IQUB: variants seen among roughly 807,000 people sequenced by gnomAD.
IQUB encodes IQ motif and ubiquitin domain containing, also known as IQ motif and ubiquitin-like domain-containing protein.
In IQUB, 86 loss-of-function variants were observed where a neutral mutation model predicts 86.4. The observed-to-expected ratio is 1.00, with a 90% confidence interval of 0.84 to 1.19. The LOEUF is 1.19. Among genes scored for constraint, IQUB ranks in the 50% most tolerant of loss-of-function variants. The pLI, the probability that IQUB is intolerant of heterozygous loss-of-function variation, is 0.00. For synonymous variants in IQUB, 289 were observed against 304.5 expected, an observed-to-expected ratio of 0.95 and a Z score of 0.53; for missense variants, 946 against 916.9, an observed-to-expected ratio of 1.03 and a Z score of -0.41.
chr7:123,517,912 TA>T (rs367664869), intron 1 of IQUB, among the ~76,000 whole-genome samples: 2 of 152,260 alleles, frequency 1.3e-5, no homozygotes, highest in African/African-American at 4.8e-5. Context: ...ACACAACACT[TA>T]AAAGCAGTCC....
chr7:123,493,776 C>CGT (rs1795593490), intron 7 of IQUB, among the ~76,000 whole-genome samples: 3 of 73,962 alleles, frequency 4.1e-5, no homozygotes, highest in East Asian at 8.3e-4. Flanking sequence ...TGTGTGTGTG[C>CGT]ATGTGTGTAT....
At chr7:123,474,681 A>C (rs1794672857) in intron 8 of IQUB, among the ~76,000 whole-genome samples, 1 of 152,188 alleles carries the variant, frequency 6.6e-6, no homozygotes, top group Non-Finnish European at 1.5e-5. Flanking sequence ...CACTGGACTA[A>C]TTAGGCTATG....
At chr7:123,458,381 G>A (rs1013740526) in intron 11 of IQUB, among the ~76,000 whole-genome samples, 3 of 151,820 alleles carry the variant, frequency 2.0e-5, no homozygotes, top group African/African-American at 7.2e-5. Context: ...TCTGTAAAAT[G>A]AGTACACAAA....
At chr7:123,473,861 A>G (rs569375737) in intron 8 of IQUB, among the ~76,000 whole-genome samples, 48 of 152,156 alleles carry the variant, frequency 3.2e-4, no homozygotes, top group Admixed American at 7.9e-4. Flanking sequence ...CTGGGATTAC[A>G]GGCGTGAGCC....
chr7:123,489,648 AGAG>A, intron 7 of IQUB, among the ~76,000 whole-genome samples: 1 of 152,048 alleles, frequency 6.6e-6, no homozygotes, highest in South Asian at 2.1e-4. Context: ...ACAGGAGTTT[AGAG>A]AAGCTCTGAA....
At chr7:123,460,930 A>G (rs1175808681) in intron 11 of IQUB, among the ~76,000 whole-genome samples, 1 of 151,664 alleles carries the variant, frequency 6.6e-6, no homozygotes, top group Non-Finnish European at 1.5e-5. Context: ...GTGGTATCAT[A>G]TCAACACTTT....
chr7:123,512,074 T>C lies in IQUB; in HGVS notation c.267A>G (p.Ser89=). 2.5e-6 allele frequency: 4 copies of C among 1,614,120 alleles called. No individual in the cohort carries two copies. Among genetic ancestry groups the C allele is most frequent in the Non-Finnish European group, 3.4e-6 (4 of 1,179,972 alleles). ...GCTTTTCATGATGTTGCGGAGTATA[T>C]GAAACTTGTCTTGGTGATATAACCT... ...MEEVISPRQV[S]YTPQHHEKQY... Residue 89 remains serine (S), a synonymous_variant, in exon 2 of 13, where the codon TCA becomes TCG. Coordinates refer to ENST00000324698, the MANE Select transcript of IQUB (RefSeq NM_178827.5).
chr7:123,475,604 T>G (rs555457676), intron 8 of IQUB, among the ~76,000 whole-genome samples: 22 of 152,278 alleles, frequency 1.4e-4, no homozygotes, highest in African/African-American at 5.3e-4. Flanking sequence ...GAAGAATAGA[T>G]ATTGTGTAAG....
intron 1 of IQUB, among the ~76,000 whole-genome samples, chr7:123,520,734 T>C (rs919614077): frequency 6.6e-6 from 1 of 151,584 alleles, no homozygotes; most frequent in African/African-American, 2.4e-5. Flanking sequence ...ACATTAGGAG[T>C]CTACTGGAAT....
chr7:123,455,301 T>C (rs1401260646), intron 12 of IQUB, among the ~76,000 whole-genome samples: 1 of 152,088 alleles, frequency 6.6e-6, no homozygotes, highest in Non-Finnish European at 1.5e-5. Context: ...CAACCTACAG[T>C]GCCACAGAAC....
intron 10 of IQUB, among the ~76,000 whole-genome samples, chr7:123,463,568 T>C (rs549475321): frequency 1.1e-4 from 17 of 151,750 alleles, no homozygotes; most frequent in Admixed American, 2.6e-4. Context: ...TATATGACCT[T>C]CTGAAATAGA....
chr7:123,473,051 A>G (rs1268374874), intron 8 of IQUB, among the ~76,000 whole-genome samples: 2 of 152,190 alleles, frequency 1.3e-5, no homozygotes, highest in Non-Finnish European at 2.9e-5. Context: ...GGAGAGCAGC[A>G]GGCTTCCACA....
chr7:123,490,634 T>C (rs1795414959), intron 7 of IQUB, among the ~76,000 whole-genome samples: 1 of 152,238 alleles, frequency 6.6e-6, no homozygotes, highest in Non-Finnish European at 1.5e-5. Context: ...ATGTAATTTG[T>C]ATTCTAGTTG....
chr7:123,478,047 C>T (rs1794825237), intron 8 of IQUB, among the ~76,000 whole-genome samples: 1 of 152,126 alleles, frequency 6.6e-6, no homozygotes, highest in Admixed American at 6.5e-5. Context: ...CCTCAAGGAT[C>T]TAGAACTAGA....
intron 1 of IQUB, among the ~76,000 whole-genome samples, chr7:123,519,301 T>C (rs1796794007): frequency 6.6e-6 from 1 of 152,232 alleles, no homozygotes; most frequent in South Asian, 2.1e-4. Flanking sequence ...GCAATTCCAC[T>C]GCTGGGTATA....
intron 8 of IQUB, among the ~76,000 whole-genome samples, chr7:123,474,855 G>A (rs1381018461): frequency 6.6e-6 from 1 of 152,150 alleles, no homozygotes; most frequent in Non-Finnish European, 1.5e-5. Flanking sequence ...AGATTAACTG[G>A]TTTATCAGCT....
At chr7:123,463,799 T>C in intron 10 of IQUB, among the ~76,000 whole-genome samples, 1 of 151,698 alleles carries the variant, frequency 6.6e-6, no homozygotes. Flanking sequence ...TAAAATGATA[T>C]AACATTATGT....
In IQUB at chr7:123,526,274, G is replaced by A. The variant is rs565654096; in HGVS notation, c.-5+8218C>T. Among the ~76,000 whole-genome samples the A allele has an allele frequency of 1.6e-3, 250 of 152,132 alleles. 1 individual carries two copies. Among genetic ancestry groups the A allele is most frequent in the African/African-American group, 5.8e-3 (239 of 41,512 alleles). Reference sequence around the variant, plus strand: ...GGTATCTTTGTTGACTTTCTGTCTCGTTGATCTGTCTAATGTTGACAGTGG... The same window carrying A: ...GGTATCTTTGTTGACTTTCTGTCTCATTGATCTGTCTAATGTTGACAGTGG... On this transcript the variant is annotated intron_variant, in intron 1 of 12. Transcript: ENST00000324698.
chr7:123,495,361 G>T (rs1455044215), intron 7 of IQUB, among the ~76,000 whole-genome samples: 3 of 151,554 alleles, frequency 2.0e-5, no homozygotes, highest in Non-Finnish European at 2.9e-5. Flanking sequence ...TATTATTTTT[G>T]GTAAATAGCA....
Sources: gnomAD v4.1 joint callset for allele counts (sites outside exome capture counted in the v4.1 genomes callset) on GRCh38, gnomAD v4.1.1 for gene constraint, MANE v1.5 for transcripts, NCBI Gene and HGNC (gene_info 2026-07-23, HGNC 2026-07-21) for gene names.